CORO1C: variants seen among roughly 807,000 people sequenced by gnomAD.
CORO1C encodes coronin 1C, also known as coronin-1C.
Under a neutral mutation model 51.2 loss-of-function variants are expected in CORO1C, and 14 were observed. The ratio of observed to expected loss-of-function variants is 0.27; its 90% confidence interval spans 0.18 to 0.43. The LOEUF is 0.43. CORO1C is among the 20% of genes least tolerant of loss of function. The pLI is 1.00. For missense variants in CORO1C, 417 were observed against 607.8 expected (o/e 0.69, Z 3.30); for synonymous variants, 181 against 210.5 (o/e 0.86, Z 1.21).
chr12:108,663,936 GA>G (rs1399248177), intron 3 of CORO1C, among the ~76,000 whole-genome samples: 2 of 152,202 alleles, frequency 1.3e-5, no homozygotes, highest in African/African-American at 4.8e-5. Context: ...CACAGGGGGA[GA>G]AAGGGACAGG....
At chr12:108,663,646 GAA>G (rs1430742307) in intron 3 of CORO1C, among the ~76,000 whole-genome samples, 2 of 152,356 alleles carry the variant, frequency 1.3e-5, no homozygotes, top group East Asian at 3.9e-4. Context: ...CGTAAAGACA[GAA>G]AGTAGAATAG....
intron 1 of CORO1C, among the ~76,000 whole-genome samples, chr12:108,728,381 T>C (rs1592960333): frequency 6.6e-6 from 1 of 151,204 alleles, no homozygotes; most frequent in Admixed American, 6.6e-5. Context: ...CTACCACACA[T>C]ATAAACCTTG....
At chr12:108,678,785 C>T (rs2034005534) in intron 2 of CORO1C, among the ~76,000 whole-genome samples, 1 of 148,626 alleles carries the variant, frequency 6.7e-6, no homozygotes, top group Non-Finnish European at 1.5e-5. Context: ...AAGACAATAT[C>T]CTCCAATATA....
chr12:108,664,089 C>T (rs1189599211), intron 3 of CORO1C, among the ~76,000 whole-genome samples: 1 of 152,130 alleles, frequency 6.6e-6, no homozygotes, highest in African/African-American at 2.4e-5. Context: ...TACCGAAGAC[C>T]AGATATTAAA....
At chr12:108,729,388 GGTAT>G (rs56216117) in intron 1 of CORO1C, among the ~76,000 whole-genome samples, 8,665 of 152,150 alleles carry the variant, frequency 0.057, 506 homozygotes, top group East Asian at 0.32. Flanking sequence ...ATGTTTCATC[GGTAT>G]GTATCTATTA....
At position 108,703,481 on chromosome 12, in the gene CORO1C, A is replaced by G. The variant is rs150223631; in HGVS notation, c.-5-2158T>C. 3.0e-4 allele frequency among the ~76,000 whole-genome samples: 46 copies of G among 152,310 alleles called. No homozygotes were observed. In the East Asian group the frequency reaches 7.5e-3, roughly 25 times the overall value. ...TACAAGAGAGCAAATGTGACAATAA[A>G]CTTTCGAAGATGGAAAGCTGTCATG... On this transcript the variant is annotated intron_variant, in intron 1 of 10. Coordinates refer to ENST00000261401, the MANE Select transcript of CORO1C (RefSeq NM_014325.4).
chr12:108,658,869 T>A lies in CORO1C; in HGVS notation c.499A>T (p.Ile167Leu). 2 of 1,613,938 alleles carry A rather than the reference T, an allele frequency of 1.2e-6. No homozygotes were observed. The highest frequency in any genetic ancestry group is 1.1e-5 in the South Asian group (1 of 91,080). ...IWNVGTGEAL[I>L]NLDDMHSDMI... is the part of the protein sequence containing the mutation. ...TCTGAATGCATATCGTCCAAGTTTA[T>A]AAGGGCTTCCCCTGTTCCCACATTC... Residue 167 changes from isoleucine (I) to leucine (L), a missense_variant, in exon 5 of 11, where the codon ATA (isoleucine) becomes TTA (leucine). Ile to Leu is a conservative substitution (Grantham distance 5). Transcript: ENST00000261401. This position sits in a 1 kb window ranked among gnomAD's most constrained non-coding sequence, Gnocchi z 4.9.
chr12:108,663,425 A>G (rs2136814878), intron 3 of CORO1C, among the ~76,000 whole-genome samples: 1 of 152,392 alleles, frequency 6.6e-6, no homozygotes, highest in East Asian at 1.9e-4. Flanking sequence ...GGTGGAAACA[A>G]CCCAAATATC....
intron 1 of CORO1C, among the ~76,000 whole-genome samples, chr12:108,714,058 T>C (rs2035258918): frequency 6.6e-6 from 1 of 152,166 alleles, no homozygotes; most frequent in South Asian, 2.1e-4. Flanking sequence ...TGAAAATCCT[T>C]AGCTTAGCCA....
intron 1 of CORO1C, among the ~76,000 whole-genome samples, chr12:108,726,247 C>T (rs929514248): frequency 6.6e-6 from 1 of 152,032 alleles, no homozygotes; most frequent in Non-Finnish European, 1.5e-5. Flanking sequence ...GAAATCCCAT[C>T]TCTACTAAAA....
At position 108,658,204 on chromosome 12, in the gene CORO1C, A is replaced by T. The variant is rs1197298272; in HGVS notation, c.630+534T>A. Among the ~76,000 whole-genome samples, 1 of 151,906 alleles carries T rather than the reference A, an allele frequency of 6.6e-6. No homozygotes were observed. On this transcript the variant is annotated intron_variant, in intron 5 of 10. Coordinates refer to ENST00000261401, the MANE Select transcript of CORO1C (RefSeq NM_014325.4). This position sits in a 1 kb window ranked among gnomAD's most constrained non-coding sequence, Gnocchi z 4.9. ...GCCCTGCGCATTTATTTATTTATTT[A>T]TTTATTTATTTTTGTATTTTTAGTA...
At chr12:108,689,287 C>G (rs970117308) in intron 2 of CORO1C, among the ~76,000 whole-genome samples, 1 of 152,186 alleles carries the variant, frequency 6.6e-6, no homozygotes, top group Admixed American at 6.5e-5. Flanking sequence ...TCGCACAACG[C>G]TTTACCCAGC....
intron 3 of CORO1C, among the ~76,000 whole-genome samples, chr12:108,668,233 C>CCA (rs1280490180): frequency 6.6e-6 from 1 of 152,230 alleles, no homozygotes; most frequent in Non-Finnish European, 1.5e-5. Context: ...TCAGGGCATT[C>CCA]CCAAATGAAC....
intron 3 of CORO1C, among the ~76,000 whole-genome samples, chr12:108,669,945 A>T (rs1388823762): frequency 5.3e-5 from 8 of 152,210 alleles, no homozygotes; most frequent in African/African-American, 1.4e-4. Context: ...AAGATTTTTT[A>T]AAATTAGAAA....
At position 108,687,444 on chromosome 12, in the gene CORO1C, G is replaced by A. The variant is rs576311580; in HGVS notation, c.196-9050C>T. Among the ~76,000 whole-genome samples the A allele has an allele frequency of 3.3e-3, 497 of 151,944 alleles. 1 individual carries two copies. Among genetic ancestry groups the A allele is most frequent in the Non-Finnish European group, 5.4e-3 (370 of 67,966 alleles). The stretch of plus-strand genomic sequence containing the variant: ...CAAGGCTGCAGTGAACTATGATCGC[G>A]CCACTGCACTCCAGCCTGGGTGACA... On this transcript the variant is annotated intron_variant, in intron 2 of 10. Transcript: ENST00000261401.
intron 3 of CORO1C, among the ~76,000 whole-genome samples, chr12:108,677,525 C>T (rs2033950479): frequency 6.6e-6 from 1 of 152,216 alleles, no homozygotes; most frequent in Non-Finnish European, 1.5e-5. Flanking sequence ...AACTCTTTTA[C>T]CACCTGTGAC....
chr12:108,659,841 T>C (rs1257817996), intron 4 of CORO1C, among the ~76,000 whole-genome samples: 1 of 152,200 alleles, frequency 6.6e-6, no homozygotes, highest in Non-Finnish European at 1.5e-5. Context: ...CCAAGACTGC[T>C]CTGATCATGG....
intron 1 of CORO1C, among the ~76,000 whole-genome samples, chr12:108,717,518 C>T (rs897103350): frequency 6.6e-6 from 1 of 152,208 alleles, no homozygotes; most frequent in Admixed American, 6.5e-5. Context: ...TAGGAAGTCA[C>T]GGCACTTGTT....
intron 1 of CORO1C, among the ~76,000 whole-genome samples, chr12:108,721,912 T>G (rs10778655): frequency 4.0e-5 from 6 of 151,188 alleles, no homozygotes; most frequent in Non-Finnish European, 8.9e-5. Flanking sequence ...AGTTCCCAAA[T>G]GGAAAAGAAA....
Sources: gnomAD v4.1 joint callset for allele counts (sites outside exome capture counted in the v4.1 genomes callset) on GRCh38, gnomAD v4.1.1 for gene constraint, Gnocchi (gnomAD v3.1) non-coding constraint, MANE v1.5 for transcripts, NCBI Gene and HGNC (gene_info 2026-07-23, HGNC 2026-07-21) for gene names.